The following SPTB variants were observed in gnomAD, a reference collection of about 807,000 sequenced individuals.
The protein encoded by SPTB is spectrin beta chain, erythrocytic.
A neutral mutation model predicts 256.2 loss-of-function variants in SPTB; 45 were observed. The observed-to-expected ratio is 0.18, with a 90% CI of 0.14 to 0.23. The LOEUF (loss-of-function observed/expected upper bound fraction) is 0.23, where lower values mean the gene tolerates loss of function less well. Among genes scored for constraint, SPTB ranks in the 10% least tolerant of loss-of-function variants. SPTB has a pLI of 1.00. For synonymous variants in SPTB, 1,231 were observed against 1,243.1 expected, an observed-to-expected ratio of 0.99 and a Z score of 0.21; for missense variants, 2,715 against 3,040.4, an observed-to-expected ratio of 0.89 and a Z score of 2.52.
rs561056828 is a variant in SPTB at position 64,792,753 on chromosome 14, T to A, written c.2666+244A>T. ...AAAGACTGCTATTGCTGAAAAGTAA[T>A]TGAATAACTGGACTAGATAAATTCC... is the stretch of plus-strand genomic sequence containing the variant. On this transcript the variant is annotated intron_variant, in intron 14 of 35. Transcript: ENST00000644917. This position sits in a 1 kb window ranked among gnomAD's most constrained non-coding sequence, Gnocchi z 4.2. Among the ~76,000 whole-genome samples, 1 of 152,282 alleles carries A rather than the reference T, an allele frequency of 6.6e-6. No homozygotes were observed. The highest frequency in any genetic ancestry group is 1.5e-5 in the Non-Finnish European group (1 of 68,026).
chr14:64,762,486 G>C (rs1251456425), intron 32 of SPTB, among the ~76,000 whole-genome samples: 2 of 152,206 alleles, frequency 1.3e-5, no homozygotes, highest in African/African-American at 2.4e-5. Flanking sequence ...GCCAGACACC[G>C]GCCAAGAGGT....
chr14:64,800,460 A>C (rs1191005167), intron 8 of SPTB, among the ~76,000 whole-genome samples: 1 of 152,208 alleles, frequency 6.6e-6, no homozygotes, highest in Admixed American at 6.5e-5. Context: ...CACAATAAAC[A>C]AACCACATAA....
rs1278111786 is a variant in SPTB, at chr14:64,793,427, A to G, written c.2236T>C (p.Phe746Leu). 6.2e-7 allele frequency: 1 copy of G among 1,613,918 alleles called. No individual in the cohort carries two copies. Among genetic ancestry groups the G allele is most frequent in the Non-Finnish European group, 8.5e-7 (1 of 1,180,034 alleles). The change falls in exon 14 of 36, where the codon TTC becomes CTC. Residue 746 changes from phenylalanine to leucine, a missense_variant. By Grantham distance (22) the Phe-to-Leu change is conservative. Around this residue, in one of 4 missense-constraint regions of SPTB, gnomAD observed 2,239 missense variants for 2,384.4 expected, o/e 0.94. Coordinates refer to ENST00000644917, the MANE Select transcript of SPTB (RefSeq NM_001355436.2). The surrounding 1 kb of genome is among the most constrained non-coding windows in gnomAD (Gnocchi z 7.0). ...TCATCCGCATCGCCCTGGAACTGGAAAAAGTTCTCAGCATCCTGGAGGTTC... is the reference window on the plus strand; with the variant it reads ...TCATCCGCATCGCCCTGGAACTGGAGAAAGTTCTCAGCATCCTGGAGGTTC... Reference protein sequence around the residue: ...KKNLQDAENFFQFQGDADDLK... With the variant: ...KKNLQDAENFLQFQGDADDLK...
intron 1 of SPTB, among the ~76,000 whole-genome samples, chr14:64,874,413 C>T (rs987299286): frequency 6.6e-6 from 1 of 152,236 alleles, no homozygotes; most frequent in Non-Finnish European, 1.5e-5. Context: ...CAGCACATAA[C>T]AGTGTAAGAC....
chr14:64,829,988 C>G (rs1253919189), intron 1 of SPTB, among the ~76,000 whole-genome samples: 2 of 152,186 alleles, frequency 1.3e-5, no homozygotes, highest in Admixed American at 6.5e-5. Flanking sequence ...CTCTGCATGT[C>G]TGGCTCCTTC....
At position 64,873,352 on chromosome 14, in the gene SPTB, T is replaced by C. The variant is rs1291506595; in HGVS notation, c.-52+6440A>G. Among the ~76,000 whole-genome samples, 2 of 152,178 alleles carry C rather than the reference T, an allele frequency of 1.3e-5. No individual in the cohort carries two copies. The highest frequency in any genetic ancestry group is 3.8e-4 in the East Asian group (2 of 5,200). On this transcript the variant is annotated intron_variant, in intron 1 of 35. Transcript: ENST00000644917. This position sits in a 1 kb window ranked among gnomAD's most constrained non-coding sequence, Gnocchi z 4.3. Reference sequence around the variant, plus strand: ...ATTAAATGAGAACTCAGTAAATATTTGTTGAAGACTGACATACAAATCAAG... The same window carrying C: ...ATTAAATGAGAACTCAGTAAATATTCGTTGAAGACTGACATACAAATCAAG...
rs1168556681 is a variant in SPTB, at chr14:64,779,549, A to G, written c.4473+176T>C. Among the ~76,000 whole-genome samples, 1 of 152,214 alleles carries G rather than the reference A, an allele frequency of 6.6e-6. No individual in the cohort carries two copies. Among genetic ancestry groups the G allele is most frequent in the Non-Finnish European group, 1.5e-5 (1 of 68,034 alleles). ...CTAGCAAGTGAACAGTGCATTCCCAACAAAAGCACTGGCTTGAGCTTTCCA... is the reference window on the plus strand; with the variant it reads ...CTAGCAAGTGAACAGTGCATTCCCAGCAAAAGCACTGGCTTGAGCTTTCCA... On this transcript the variant is annotated intron_variant, in intron 21 of 35. Transcript: ENST00000644917. The surrounding 1 kb of genome is among the most constrained non-coding windows in gnomAD (Gnocchi z 4.2).
rs1292364541 is a variant in SPTB, at chr14:64,853,943, G to A, written c.-52+25849C>T. ...GCGGTGGCTCACGCCTGTAATCCCAGTACTTTGGGAGACCGAGGCAGGTAG... is the reference window on the plus strand; with the variant it reads ...GCGGTGGCTCACGCCTGTAATCCCAATACTTTGGGAGACCGAGGCAGGTAG... On this transcript the variant is annotated intron_variant, in intron 1 of 35. Coordinates refer to ENST00000644917, the MANE Select transcript of SPTB (RefSeq NM_001355436.2). The surrounding 1 kb of genome is among the most constrained non-coding windows in gnomAD (Gnocchi z 4.3). Among the ~76,000 whole-genome samples, 1 of 152,170 alleles carries A rather than the reference G, an allele frequency of 6.6e-6. No individual in the cohort carries two copies. The highest frequency in any genetic ancestry group is 1.5e-5 in the Non-Finnish European group (1 of 68,044).
chr14:64,764,012 C>T lies in SPTB; in HGVS notation c.6345+2714G>A, dbSNP rs752196349. On this transcript the variant is annotated intron_variant, in intron 32 of 35. Coordinates refer to ENST00000644917, the MANE Select transcript of SPTB (RefSeq NM_001355436.2). The surrounding 1 kb of genome is among the most constrained non-coding windows in gnomAD (Gnocchi z 4.2). Reference sequence around the variant, plus strand: ...CCATCAGTTCCCCCCAGCAGGAAGCCGACATGCACAGTGAGGGATTGTACA... The same window carrying T: ...CCATCAGTTCCCCCCAGCAGGAAGCTGACATGCACAGTGAGGGATTGTACA... 4.6e-5 allele frequency among the ~76,000 whole-genome samples: 7 copies of T among 152,168 alleles called. No individual in the cohort carries two copies. Among genetic ancestry groups the T allele is most frequent in the Non-Finnish European group, 8.8e-5 (6 of 68,038 alleles).
At chr14:64,761,155 C>T (rs1348749704) in intron 32 of SPTB, among the ~76,000 whole-genome samples, 3 of 152,182 alleles carry the variant, frequency 2.0e-5, no homozygotes, top group Admixed American at 2.0e-4. Flanking sequence ...GTGACTCTGG[C>T]CGCCAAGAAG....
At chr14:64,861,670 C>T (rs1441288548) in intron 1 of SPTB, among the ~76,000 whole-genome samples, 1 of 152,216 alleles carries the variant, frequency 6.6e-6, no homozygotes, top group African/African-American at 2.4e-5. Flanking sequence ...CCCTTGACCT[C>T]TCTCTCAAAC....
rs1356514786 is a variant in SPTB, at chr14:64,792,877, G to C, written c.2666+120C>G. 3 of 1,404,624 alleles carry C rather than the reference G, an allele frequency of 2.1e-6. No individual in the cohort carries two copies. In the East Asian group the frequency reaches 7.1e-5, roughly 33 times the overall value. 87.0% of individuals were successfully genotyped at this position (1,404,624 alleles called of 1,614,324 possible). On this transcript the variant is annotated intron_variant, in intron 14 of 35. Coordinates refer to ENST00000644917, the MANE Select transcript of SPTB (RefSeq NM_001355436.2). This position sits in a 1 kb window ranked among gnomAD's most constrained non-coding sequence, Gnocchi z 4.2. ...CCTAATGCCAGGACTTTGCAACAAA[G>C]GACATCCCAGGGCCTCTCAAAGAGA...
At chr14:64,842,429 T>C (rs570610205) in intron 1 of SPTB, among the ~76,000 whole-genome samples, 12 of 152,270 alleles carry the variant, frequency 7.9e-5, no homozygotes, top group African/African-American at 2.9e-4. Context: ...TGGTTAGGTA[T>C]ATCTGGAGTT....
chr14:64,870,132 C>T (rs952505232), intron 1 of SPTB, among the ~76,000 whole-genome samples: 1 of 152,010 alleles, frequency 6.6e-6, no homozygotes, highest in Non-Finnish European at 1.5e-5. Flanking sequence ...GAAAAGGGTA[C>T]TGTAAAAATA....
At chr14:64,839,734 A>G (rs1226864380) in intron 1 of SPTB, among the ~76,000 whole-genome samples, 1 of 152,230 alleles carries the variant, frequency 6.6e-6, no homozygotes, top group East Asian at 1.9e-4. Flanking sequence ...GTAATGCAAG[A>G]GTTTTCTTGA....
In SPTB at chr14:64,786,056, A is replaced by C; in HGVS notation, c.3562-105T>G. On this transcript the variant is annotated intron_variant, in intron 16 of 35. Coordinates refer to ENST00000644917, the MANE Select transcript of SPTB (RefSeq NM_001355436.2). This position sits in a 1 kb window ranked among gnomAD's most constrained non-coding sequence, Gnocchi z 5.6. The stretch of plus-strand genomic sequence containing the variant: ...GTGCAGCCACACAGGCCACGGTATG[A>C]ATGAGCCCCCTAGAGTAGTACAGGG... The C allele has an allele frequency of 8.5e-7, 1 of 1,177,326 alleles. No homozygotes were observed. 72.9% of individuals were successfully genotyped at this position (1,177,326 alleles called of 1,614,324 possible). A position where few individuals can be genotyped will look rare whatever the true frequency, so the allele number is the denominator to read the frequency against.
intron 2 of SPTB, among the ~76,000 whole-genome samples, chr14:64,818,323 C>T (rs1356024445): frequency 6.6e-6 from 1 of 152,184 alleles, no homozygotes; most frequent in Non-Finnish European, 1.5e-5. Context: ...CCTCTGTGAG[C>T]CGAGGAGCTG....
chr14:64,774,293 G>C, intron 24 of SPTB, 104 bp downstream of exon 24: 2 of 1,446,432 alleles, frequency 1.4e-6, no homozygotes, highest in South Asian at 2.6e-5. Context: ...TATTTGATGG[G>C]AAAACTCTTT....
At chr14:64,755,777 C>T (rs1266377713) in intron 32 of SPTB, 1 of 152,140 alleles carries the variant, frequency 6.6e-6, no homozygotes, top group Admixed American at 6.5e-5. Context: ...TTAAGATGCC[C>T]AGTCATCACT....
Sources: gnomAD v4.1 joint callset for allele counts (sites outside exome capture counted in the v4.1 genomes callset) on GRCh38, gnomAD v4.1.1 for gene constraint, gnomAD v4.1.1 regional missense constraint, Gnocchi (gnomAD v3.1) non-coding constraint, MANE v1.5 for transcripts, NCBI Gene and HGNC (gene_info 2026-07-23, HGNC 2026-07-21) for gene names.